Variants in ZNF451 observed in about 807,000 individuals in gnomAD.
ZNF451 encodes the protein E3 SUMO-protein ligase ZNF451.
A neutral mutation model predicts 107.1 loss-of-function variants in ZNF451; 80 were observed. The ratio of observed to expected loss-of-function variants is 0.75; its 90% CI spans 0.62 to 0.90. The LOEUF is 0.90. Among genes scored for constraint, ZNF451 ranks in the 40% least tolerant of loss-of-function variants. The pLI is 0.00. For synonymous variants in ZNF451, 362 were observed against 406.5 expected (o/e 0.89, Z 1.32); for missense variants, 1,107 against 1,236.2 (o/e 0.90, Z 1.57).
chr6:57,168,531 G>A lies in ZNF451; in HGVS notation c.*62G>A, dbSNP rs1593183515. 7.3e-7 allele frequency: 1 copy of A among 1,366,200 alleles called. No homozygotes were observed. Among genetic ancestry groups the A allele is most frequent in the East Asian group, 2.3e-5 (1 of 42,878 alleles). 84.6% of individuals were successfully genotyped at this position (1,366,200 alleles called of 1,614,324 possible). ...AGAGACTGAGATAACGAATTCTTGA[G>A]TTTGTTTTCTAAAGGAGACCAGAAA... On this transcript the variant is annotated 3_prime_UTR_variant, in exon 15 of 15. Coordinates refer to ENST00000370706, the MANE Select transcript of ZNF451 (RefSeq NM_001031623.3).
Position 57,125,661 on chromosome 6 carries a change from C to T in ZNF451, c.312+802C>T, listed in dbSNP as rs368017911. On this transcript the variant is annotated intron_variant, in intron 4 of 14. Transcript: ENST00000370706. Reference sequence around the variant, plus strand: ...ATTTTAACGTGCATGTTTTTGACTCCTTATTCCATTGGTTATTATAAAGTA... The same window carrying T: ...ATTTTAACGTGCATGTTTTTGACTCTTTATTCCATTGGTTATTATAAAGTA... Among the ~76,000 whole-genome samples, 6 of 152,196 alleles carry T rather than the reference C, an allele frequency of 3.9e-5. No individual in the cohort carries two copies. In the East Asian group the frequency reaches 9.6e-4, roughly 24 times the overall value.
Position 57,147,057 on chromosome 6 carries a change from G to T in ZNF451, c.1005-33G>T. 3 of 1,540,938 alleles carry T rather than the reference G, an allele frequency of 1.9e-6. No individual in the cohort carries two copies. In the South Asian group the frequency reaches 3.8e-5, roughly 20 times the overall value. On this transcript the variant is annotated intron_variant, in intron 9 of 14. Transcript: ENST00000370706. ...AATGGTATATTTAGAAAATACTTCTGAAAGACTTTCTATTTCTTTTTATCT... is the reference window on the plus strand; with the variant it reads ...AATGGTATATTTAGAAAATACTTCTTAAAGACTTTCTATTTCTTTTTATCT...
intron 2 of ZNF451, chr6:57,092,799 C>T (rs1038148949): frequency 6.6e-6 from 1 of 152,098 alleles, no homozygotes; most frequent in Non-Finnish European, 1.5e-5. Flanking sequence ...CTTGGTGGCC[C>T]AGGAGTTATT....
rs1162629689 is a variant in ZNF451, at chr6:57,147,756, C to G, written c.1671C>G (p.His557Gln). ...MAHVTEFHNG[H>Q]RYFYEMDEVE... is the part of the protein sequence containing the mutation. ...ATGTGACTGAATTTCATAATGGACA[C>G]AGATATTTTTATGAGATGGATGAGG... Residue 557 changes from histidine (H) to glutamine (Q), a missense_variant, in exon 10 of 15, where the codon CAC becomes CAG. This residue lies in a region of ZNF451 where 608 missense variants were observed against 649.2 expected (regional missense o/e 0.94). Transcript: ENST00000370706. The G allele has an allele frequency of 6.2e-7, 1 of 1,613,804 alleles. No individual in the cohort carries two copies. The highest frequency in any genetic ancestry group is 1.1e-5 in the South Asian group (1 of 91,084).
intron 10 of ZNF451, among the ~76,000 whole-genome samples, chr6:57,149,487 C>T (rs992581299): frequency 6.6e-6 from 1 of 152,050 alleles, no homozygotes; most frequent in African/African-American, 2.4e-5. Flanking sequence ...TTAAGCAATC[C>T]TCCTGTTTTA....
chr6:57,154,247 T>A, intron 13 of ZNF451, 200 bp downstream of exon 13: 1 of 615,122 alleles, frequency 1.6e-6, no homozygotes, highest in South Asian at 2.1e-5. Flanking sequence ...GAATTCATAA[T>A]AATTTTCTGG....
intron 4 of ZNF451, among the ~76,000 whole-genome samples, chr6:57,127,917 T>C (rs1831005568): frequency 6.6e-6 from 1 of 152,194 alleles, no homozygotes; most frequent in Non-Finnish European, 1.5e-5. Context: ...TGCTGCCTGC[T>C]ATAAACAAAG....
At chr6:57,150,138 CAAG>C (rs1397122669) in intron 10 of ZNF451, among the ~76,000 whole-genome samples, 2 of 151,962 alleles carry the variant, frequency 1.3e-5, no homozygotes, top group Non-Finnish European at 2.9e-5. Flanking sequence ...CTGAGAGAAC[CAAG>C]AAGATGTGTT....
At chr6:57,140,751 C>A (rs1736649268) in intron 7 of ZNF451, among the ~76,000 whole-genome samples, 1 of 152,140 alleles carries the variant, frequency 6.6e-6, no homozygotes, top group Non-Finnish European at 1.5e-5. Context: ...CATTAAGAAG[C>A]ATTAATTAGA....
chr6:57,136,589 A>G (rs920406960), intron 7 of ZNF451, among the ~76,000 whole-genome samples: 44 of 152,290 alleles, frequency 2.9e-4, no homozygotes, highest in African/African-American at 9.9e-4. Context: ...AGGAAGGGAA[A>G]AAGGGTGAAA....
chr6:57,104,603 T>A, intron 3 of ZNF451: 1 of 981,578 alleles, frequency 1.0e-6, no homozygotes, highest in Non-Finnish European at 1.2e-6. Flanking sequence ...AAATTGTGGT[T>A]AAAAAAAAAG....
In ZNF451 at chr6:57,127,612, G is replaced by A. The variant is rs539252329; in HGVS notation, c.313-1117G>A. On this transcript the variant is annotated intron_variant, in intron 4 of 14. Coordinates refer to ENST00000370706, the MANE Select transcript of ZNF451 (RefSeq NM_001031623.3). ...TTTGAGAGGCAGTATGATTATACTC[G>A]TTAGGGCATGAATTCTAGAATCAGA... Among the ~76,000 whole-genome samples, 56 of 152,164 alleles carry A rather than the reference G, an allele frequency of 3.7e-4. 1 individual carries two copies. The highest frequency in any genetic ancestry group is 1.3e-3 in the African/African-American group (53 of 41,516).
rs1253939887 is a variant in ZNF451 at position 57,090,340 on chromosome 6, G to C, written c.21+66G>C. The C allele has an allele frequency of 6.3e-6, 10 of 1,590,964 alleles. No individual in the cohort carries two copies. The South Asian group carries it at 8.0e-5, about 13-fold the overall frequency. ...ACCGCGAAGGGTTTGTGTTTTCTGC[G>C]GTCTGAGGCCTGGTGCTCCGTCGCA... On this transcript the variant is annotated intron_variant, in intron 1 of 14. Coordinates refer to ENST00000370706, the MANE Select transcript of ZNF451 (RefSeq NM_001031623.3).
chr6:57,160,919 A>T, intron 13 of ZNF451, 165 bp from the exon 14 acceptor site: 1 of 436,090 alleles, frequency 2.3e-6, no homozygotes, highest in Non-Finnish European at 4.2e-6. Context: ...ACCATTTTTA[A>T]TATTATTTGG....
chr6:57,116,941 A>C (rs1244664000), intron 3 of ZNF451: 3 of 151,878 alleles, frequency 2.0e-5, no homozygotes, highest in Non-Finnish European at 4.4e-5. Flanking sequence ...AACAAAACAA[A>C]AAAAAAAAAA....
intron 3 of ZNF451, chr6:57,109,538 CAT>C (rs1830020118): frequency 2.0e-6 from 2 of 985,206 alleles, no homozygotes; most frequent in Admixed American, 1.2e-4. Context: ...TGTTTCTATT[CAT>C]ATTGGATATG....
intron 4 of ZNF451, among the ~76,000 whole-genome samples, chr6:57,126,201 A>AT (rs1014595549): frequency 1.3e-5 from 2 of 151,976 alleles, no homozygotes; most frequent in African/African-American, 2.4e-5. Context: ...TACATTGAAG[A>AT]TTTTTTTTGA....
intron 14 of ZNF451, chr6:57,165,062 A>C (rs541904494): frequency 2.0e-5 from 3 of 152,246 alleles, no homozygotes; most frequent in African/African-American, 7.2e-5. Context: ...AGAATTCTTG[A>C]TCGACATTCT....
chr6:57,154,115 A>T (rs749611620), intron 13 of ZNF451, 68 bp downstream of exon 13: 2 of 1,497,974 alleles, frequency 1.3e-6, no homozygotes, highest in African/African-American at 2.8e-5. Flanking sequence ...AGAAACCAAT[A>T]AACTGCTGTC....
Sources: allele counts gnomAD v4.1 joint callset (sites outside exome capture counted in the v4.1 genomes callset), GRCh38; gene constraint gnomAD v4.1.1; regional missense constraint gnomAD v4.1.1; transcripts MANE v1.5; gene names NCBI Gene and HGNC (gene_info 2026-07-23, HGNC 2026-07-21).